ACSBG1: variants seen among roughly 807,000 people sequenced by gnomAD.
The protein encoded by ACSBG1 is long-chain-fatty-acid--CoA ligase ACSBG1.
ACSBG1 carries 39 observed loss-of-function variants against 80.2 expected under a neutral mutation model. The ratio of observed to expected loss-of-function variants is 0.49; its 90% CI spans 0.38 to 0.64. The LOEUF (loss-of-function observed/expected upper bound fraction) is 0.64, where lower values mean the gene tolerates loss of function less well. Among genes scored for constraint, ACSBG1 ranks in the 30% least tolerant of loss-of-function variants. The pLI, the probability that ACSBG1 is intolerant of heterozygous loss-of-function variation, is 0.00. For synonymous variants in ACSBG1, 392 were observed against 379.5 expected, an observed-to-expected ratio of 1.03 and a Z score of -0.38; for missense variants, 828 against 966.4, an observed-to-expected ratio of 0.86 and a Z score of 1.90.
At chr15:78,206,553 A>G (rs1039236632) in intron 2 of ACSBG1, among the ~76,000 whole-genome samples, 1 of 152,036 alleles carries the variant, frequency 6.6e-6, no homozygotes, top group African/African-American at 2.4e-5. Flanking sequence ...GATACACTAG[A>G]TCGTGATGGC....
intron 1 of ACSBG1, among the ~76,000 whole-genome samples, chr15:78,233,045 AG>A (rs2141397925): frequency 6.6e-6 from 1 of 152,304 alleles, no homozygotes; most frequent in South Asian, 2.1e-4. Flanking sequence ...CTGAGCCCAC[AG>A]ACCCCAGGGA....
At position 78,176,834 on chromosome 15, in the gene ACSBG1, C is replaced by T. The variant is rs540319189; in HGVS notation, c.1702+1780G>A. 4.9e-3 allele frequency among the ~76,000 whole-genome samples: 746 copies of T among 152,048 alleles called. 3 individuals carry two copies. Among genetic ancestry groups the T allele is most frequent in the Non-Finnish European group, 7.5e-3 (507 of 67,994 alleles). On this transcript the variant is annotated intron_variant, in intron 11 of 13. Coordinates refer to ENST00000258873, the MANE Select transcript of ACSBG1 (RefSeq NM_015162.5). ...GCTACTTGAGAGGCTGAGGCTGGAC[C>T]GGAGGATCACTTGAGCCCAGGAGGT... is the stretch of plus-strand genomic sequence containing the variant.
intron 1 of ACSBG1, among the ~76,000 whole-genome samples, chr15:78,228,955 T>C (rs1047448570): frequency 6.6e-6 from 1 of 152,064 alleles, no homozygotes; most frequent in African/African-American, 2.4e-5. Context: ...TTATATTCTA[T>C]TTTTTTTAAT....
intron 2 of ACSBG1, 151 bp downstream of exon 2, chr15:78,207,851 G>A: frequency 1.5e-6 from 1 of 645,702 alleles, no homozygotes; most frequent in South Asian, 1.8e-5. Context: ...GGGGCTTGGT[G>A]GGGTCCCTGG....
intron 1 of ACSBG1, among the ~76,000 whole-genome samples, chr15:78,219,117 T>C (rs944718218): frequency 6.6e-6 from 1 of 152,144 alleles, no homozygotes; most frequent in Non-Finnish European, 1.5e-5. Flanking sequence ...CAGCTGCATC[T>C]TCTTAACCAC....
chr15:78,228,091 G>A (rs781083800), intron 1 of ACSBG1, among the ~76,000 whole-genome samples: 1 of 152,134 alleles, frequency 6.6e-6, no homozygotes, highest in Non-Finnish European at 1.5e-5. Flanking sequence ...CAGCTGCTCG[G>A]GGCCAGAGTC....
intron 2 of ACSBG1, among the ~76,000 whole-genome samples, chr15:78,197,169 G>T (rs1486052384): frequency 6.6e-6 from 1 of 152,136 alleles, no homozygotes; most frequent in East Asian, 1.9e-4. Context: ...CATGTTCAGT[G>T]AAAGAAGCCA....
In ACSBG1 at chr15:78,174,544, C is replaced by T. The variant is rs762771033; in HGVS notation, c.1703-20G>A. ...TTAATTCTGGGGAGGCAAGGCCAGG[C>T]CCCCGGCACAGAATGTAGTCCAGGT... On this transcript the variant is annotated intron_variant, in intron 11 of 13. Transcript: ENST00000258873. The T allele has an allele frequency of 1.3e-5, 21 of 1,608,190 alleles. No individual in the cohort carries two copies. The highest frequency in any genetic ancestry group is 1.6e-4 in the Middle Eastern group (1 of 6,066).
chr15:78,198,490 G>A (rs1489571958), intron 2 of ACSBG1, among the ~76,000 whole-genome samples: 1 of 152,094 alleles, frequency 6.6e-6, no homozygotes, highest in Admixed American at 6.6e-5. Context: ...GGGATTACAG[G>A]TGCCCGCCAC....
At chr15:78,201,446 A>G (rs2075165807) in intron 2 of ACSBG1, among the ~76,000 whole-genome samples, 1 of 152,214 alleles carries the variant, frequency 6.6e-6, no homozygotes, top group Non-Finnish European at 1.5e-5. Flanking sequence ...CAAGCAGGAC[A>G]CGCCAGCCTC....
rs1211408481 is a variant in ACSBG1, at chr15:78,183,243, G to A, written c.664-458C>T. ...TGCTATATTTGTGTAAGAAAGGGGT[G>A]CAATGTAAATATATGTATGCAAACA... On this transcript the variant is annotated intron_variant, in intron 5 of 13. Coordinates refer to ENST00000258873, the MANE Select transcript of ACSBG1 (RefSeq NM_015162.5). 1.3e-5 allele frequency among the ~76,000 whole-genome samples: 2 copies of A among 152,194 alleles called. 1 individual carries two copies. The highest frequency in any genetic ancestry group is 1.3e-4 in the Admixed American group (2 of 15,284).
chr15:78,206,484 G>A (rs913935313), intron 2 of ACSBG1, among the ~76,000 whole-genome samples: 5 of 152,216 alleles, frequency 3.3e-5, no homozygotes, highest in African/African-American at 9.6e-5. Context: ...CCAGTGCACA[G>A]GGTGGAGGAT....
chr15:78,207,925 A>ACCCCCCCCCCCCCCCCCCCCCC, intron 2 of ACSBG1, 77 bp downstream of exon 2: 6 of 454,974 alleles, frequency 1.3e-5, no homozygotes, highest in Non-Finnish European at 1.7e-5. Flanking sequence ...GGTCCCCCAC[A>ACCCCCCCCCCCCCCCCCCCCCC]CCACCCACCC....
At chr15:78,187,521 T>C (rs1211037760) in intron 5 of ACSBG1, among the ~76,000 whole-genome samples, 2 of 152,212 alleles carry the variant, frequency 1.3e-5, no homozygotes, top group Non-Finnish European at 2.9e-5. Context: ...TGGTTCAATA[T>C]ATGCAAATCA....
intron 8 of ACSBG1, 138 bp from the exon 9 acceptor site, chr15:78,181,074 C>T (rs2141329047): frequency 1.0e-6 from 1 of 973,026 alleles, no homozygotes; most frequent in East Asian, 2.7e-5. Context: ...AAGGGTGGCA[C>T]ATACTGTTTC....
In ACSBG1 at chr15:78,217,566, A is replaced by AT. The variant is rs11302425; in HGVS notation, c.132-9465dup. Among the ~76,000 whole-genome samples, 228 of 139,136 alleles carry AT rather than the reference A, an allele frequency of 1.6e-3. 1 individual carries two copies. The highest frequency in any genetic ancestry group is 4.8e-3 in the South Asian group (21 of 4,362). The allele number at this position is 139,136 out of a possible 152,430, so 91.3% of individuals were successfully genotyped here. On this transcript the variant is annotated intron_variant, in intron 1 of 13. Transcript: ENST00000258873. ...TTCATCATCAGACCCTTTTGGAAAAATTTTTTTTTTTTTTTTTGAGATGGA... is the reference window on the plus strand; with the variant it reads ...TTCATCATCAGACCCTTTTGGAAAAATTTTTTTTTTTTTTTTTTGAGATGGA...
chr15:78,198,870 G>A (rs2075140078), intron 2 of ACSBG1, among the ~76,000 whole-genome samples: 1 of 152,160 alleles, frequency 6.6e-6, no homozygotes, highest in Admixed American at 6.5e-5. Context: ...AACCCAAAAT[G>A]CTCATGGGAC....
At chr15:78,222,332 A>G (rs1181089457) in intron 1 of ACSBG1, among the ~76,000 whole-genome samples, 1 of 152,218 alleles carries the variant, frequency 6.6e-6, no homozygotes, top group Non-Finnish European at 1.5e-5. Flanking sequence ...ACTAATGGGT[A>G]TAGGGTTCCT....
chr15:78,182,381 C>A, intron 7 of ACSBG1, 85 bp downstream of exon 7: 1 of 1,551,114 alleles, frequency 6.4e-7, no homozygotes, highest in Non-Finnish European at 8.7e-7. Flanking sequence ...AGGAGCTTTC[C>A]CAGGGGCTAC....
Sources: gnomAD v4.1 joint callset for allele counts (sites outside exome capture counted in the v4.1 genomes callset) on GRCh38, gnomAD v4.1.1 for gene constraint, MANE v1.5 for transcripts, NCBI Gene and HGNC (gene_info 2026-07-23, HGNC 2026-07-21) for gene names.